The following CSMD1 variants were observed in gnomAD, a reference collection of about 807,000 sequenced individuals.
CSMD1 encodes CUB and Sushi multiple domains 1.
Under a neutral mutation model 417.5 loss-of-function variants are expected in CSMD1, and 213 were observed. The observed-to-expected ratio is 0.51, with a 90% confidence interval of 0.46 to 0.57. The LOEUF is 0.57. Among genes scored for constraint, CSMD1 ranks in the 20% least tolerant of loss-of-function variants. The probability of loss-of-function intolerance (pLI) is 0.00; values close to 1 mark genes in which losing one functional copy is unlikely to be tolerated. For missense variants in CSMD1, 6,923 were observed against 4,529.7 expected (o/e 1.53, Z -15.17); for synonymous variants, 2,862 against 1,736.8 (o/e 1.65, Z -16.11).
chr8:4,269,290 T>C (rs1804421986), intron 3 of CSMD1, among the ~76,000 whole-genome samples: 1 of 152,122 alleles, frequency 6.6e-6, no homozygotes, highest in Non-Finnish European at 1.5e-5. Context: ...CCTCCAACTC[T>C]TGATCTCAGG....
At chr8:3,626,230 C>A (rs552345651) in intron 7 of CSMD1, among the ~76,000 whole-genome samples, 58 of 152,294 alleles carry the variant, frequency 3.8e-4, no homozygotes, top group Middle Eastern at 3.4e-3. Flanking sequence ...ACCGGCTTAG[C>A]TGGAGGACTT....
chr8:3,691,276 G>A (rs1217471473), intron 7 of CSMD1, among the ~76,000 whole-genome samples: 2 of 152,006 alleles, frequency 1.3e-5, no homozygotes, highest in Non-Finnish European at 2.9e-5. Flanking sequence ...GCTGAAGCAG[G>A]AGATCACTTG....
intron 5 of CSMD1, among the ~76,000 whole-genome samples, chr8:3,849,594 A>C (rs1803748296): frequency 6.6e-6 from 1 of 152,164 alleles, no homozygotes; most frequent in African/African-American, 2.4e-5. Flanking sequence ...ACATGGGAAA[A>C]GAACAGTGAT....
In CSMD1 at chr8:4,261,215, G is replaced by C. The variant is rs1803855757; in HGVS notation, c.415+158738C>G. Among the ~76,000 whole-genome samples, 2 of 152,208 alleles carry C rather than the reference G, an allele frequency of 1.3e-5. 1 individual carries two copies. Among genetic ancestry groups the C allele is most frequent in the Middle Eastern group, 6.8e-3 (2 of 294 alleles). ...AGTTAAAAGCTACTAGAGAAAGGAG[G>C]ACCAGCCATTCCTGAATCTTGTGTA... is the stretch of plus-strand genomic sequence containing the variant. On this transcript the variant is annotated intron_variant, in intron 3 of 69. Coordinates refer to ENST00000635120, the MANE Select transcript of CSMD1 (RefSeq NM_033225.6).
chr8:4,677,047 T>C (rs1202328562), intron 1 of CSMD1, among the ~76,000 whole-genome samples: 1 of 146,816 alleles, frequency 6.8e-6, no homozygotes, highest in East Asian at 1.9e-4. Flanking sequence ...GAGAATTATA[T>C]ATATAGAATT....
intron 3 of CSMD1, among the ~76,000 whole-genome samples, chr8:4,272,199 G>C (rs1004825957): frequency 1.3e-5 from 2 of 151,992 alleles, no homozygotes; most frequent in Non-Finnish European, 2.9e-5. Context: ...GACCTTAATA[G>C]GTATAGTACT....
At chr8:2,993,796 A>G (rs984388201) in intron 54 of CSMD1, among the ~76,000 whole-genome samples, 1 of 152,056 alleles carries the variant, frequency 6.6e-6, no homozygotes, top group African/African-American at 2.4e-5. Context: ...TATGACTTCA[A>G]TCTGGCCTGG....
rs149842594 is a variant in CSMD1, at chr8:3,592,722, C to T, written c.1098-6462G>A. ...TGTGTGTGTGTGTGAGTATGCACAG[C>T]TTTGATTTTTCTTCCCCCTGTATTT... On this transcript the variant is annotated intron_variant, in intron 8 of 69. Coordinates refer to ENST00000635120, the MANE Select transcript of CSMD1 (RefSeq NM_033225.6). 2.4e-4 allele frequency among the ~76,000 whole-genome samples: 37 copies of T among 152,008 alleles called. No homozygotes were observed. In the East Asian group the frequency reaches 6.8e-3, roughly 28 times the overall value.
intron 11 of CSMD1, among the ~76,000 whole-genome samples, chr8:3,472,712 C>A (rs899281090): frequency 4.6e-5 from 7 of 152,096 alleles, no homozygotes; most frequent in African/African-American, 1.2e-4. Flanking sequence ...TCATTTTTCT[C>A]AAGCCCATTC....
At chr8:3,751,478 T>C (rs552184181) in intron 6 of CSMD1, among the ~76,000 whole-genome samples, 1 of 148,430 alleles carries the variant, frequency 6.7e-6, no homozygotes, top group African/African-American at 2.4e-5. Flanking sequence ...TAATTAAGCA[T>C]ATATTATAGA....
intron 7 of CSMD1, among the ~76,000 whole-genome samples, chr8:3,630,270 A>G (rs1012101005): frequency 1.3e-5 from 2 of 152,182 alleles, no homozygotes; most frequent in Admixed American, 6.5e-5. Flanking sequence ...ACTCTGATGC[A>G]AAATGACATT....
At position 4,397,523 on chromosome 8, in the gene CSMD1, C is replaced by CTTTTT. The variant is rs57745028; in HGVS notation, c.415+22425_415+22429dup. On this transcript the variant is annotated intron_variant, in intron 3 of 69. Coordinates refer to ENST00000635120, the MANE Select transcript of CSMD1 (RefSeq NM_033225.6). Reference sequence around the variant, plus strand: ...GAGCAATGTCAACAAGCCTGAGACTCTTTTTTTTTTTTTTTTTTTTTTTTT... The same window carrying CTTTTT: ...GAGCAATGTCAACAAGCCTGAGACTCTTTTTTTTTTTTTTTTTTTTTTTTTTTTTT... 7.7e-4 allele frequency among the ~76,000 whole-genome samples: 46 copies of CTTTTT among 59,962 alleles called. 2 individuals are homozygous for CTTTTT. Among genetic ancestry groups the CTTTTT allele is most frequent in the African/African-American group, 2.1e-3 (34 of 16,478 alleles). 39.3% of individuals were successfully genotyped at this position (59,962 alleles called of 152,430 possible).
At chr8:4,772,019 G>A (rs1188293544) in intron 1 of CSMD1, among the ~76,000 whole-genome samples, 2 of 152,170 alleles carry the variant, frequency 1.3e-5, no homozygotes, top group African/African-American at 2.4e-5. Context: ...CTGCTCTGCA[G>A]GTTAAAAGTC....
chr8:3,895,270 T>C (rs1807282546), intron 5 of CSMD1, among the ~76,000 whole-genome samples: 1 of 152,226 alleles, frequency 6.6e-6, no homozygotes, highest in Non-Finnish European at 1.5e-5. Flanking sequence ...GATGGTCTAC[T>C]GCTTTCTATT....
intron 2 of CSMD1, among the ~76,000 whole-genome samples, chr8:4,450,561 G>T (rs1213331448): frequency 4.6e-5 from 7 of 152,052 alleles, no homozygotes; most frequent in Non-Finnish European, 1.5e-5. Context: ...CTTGAACCCG[G>T]GAGGCAGAGG....
At chr8:4,050,012 G>A (rs1798341516) in intron 3 of CSMD1, among the ~76,000 whole-genome samples, 1 of 152,160 alleles carries the variant, frequency 6.6e-6, no homozygotes, top group East Asian at 1.9e-4. Flanking sequence ...GGGCCTTGAT[G>A]GTTTTCAGAA....
At chr8:3,545,310 G>C (rs1361840990) in intron 10 of CSMD1, among the ~76,000 whole-genome samples, 1 of 152,128 alleles carries the variant, frequency 6.6e-6, no homozygotes, top group African/African-American at 2.4e-5. Context: ...TTTATCCCTA[G>C]AATTCTCTAT....
At chr8:4,636,875 G>T (rs1046196864) in intron 2 of CSMD1, among the ~76,000 whole-genome samples, 2 of 152,102 alleles carry the variant, frequency 1.3e-5, no homozygotes, top group Non-Finnish European at 2.9e-5. Context: ...CAAGAGGATT[G>T]TAAAATGCAC....
intron 3 of CSMD1, among the ~76,000 whole-genome samples, chr8:4,362,168 G>C (rs920137946): frequency 5.3e-5 from 8 of 152,136 alleles, no homozygotes; most frequent in African/African-American, 1.2e-4. Flanking sequence ...ATTTACATGA[G>C]TACAGTGAAG....
Sources: gnomAD v4.1 joint callset for allele counts (sites outside exome capture counted in the v4.1 genomes callset) on GRCh38, gnomAD v4.1.1 for gene constraint, MANE v1.5 for transcripts, NCBI Gene and HGNC (gene_info 2026-07-23, HGNC 2026-07-21) for gene names.